The following FRMD5 variants were observed in gnomAD, a reference collection of about 807,000 sequenced individuals.
The protein encoded by FRMD5 is FERM domain containing 5.
Under a neutral mutation model 69.0 loss-of-function variants are expected in FRMD5, and 20 were observed. That is an observed-to-expected ratio of 0.29 (90% confidence interval 0.20 to 0.42). The LOEUF is 0.42. FRMD5 is among the 10% of genes least tolerant of loss of function. The probability of loss-of-function intolerance (pLI) is 1.00; values close to 1 mark genes in which losing one functional copy is unlikely to be tolerated. For missense variants in FRMD5, 595 were observed against 708.6 expected (o/e 0.84, Z 1.82); for synonymous variants, 271 against 260.1 (o/e 1.04, Z -0.40).
intron 1 of FRMD5, among the ~76,000 whole-genome samples, chr15:44,021,738 G>T (rs561228806): frequency 6.6e-6 from 1 of 151,892 alleles, no homozygotes; most frequent in African/African-American, 2.4e-5. Flanking sequence ...TGTTATGGTC[G>T]CTCCTCAAAA....
At chr15:44,069,959 G>A (rs1390876794) in intron 1 of FRMD5, among the ~76,000 whole-genome samples, 1 of 152,126 alleles carries the variant, frequency 6.6e-6, no homozygotes, top group Non-Finnish European at 1.5e-5. Context: ...ATATTCATAA[G>A]AGGATTATAA....
intron 1 of FRMD5, among the ~76,000 whole-genome samples, chr15:43,967,213 A>T (rs2090308493): frequency 6.8e-6 from 1 of 146,872 alleles, no homozygotes; most frequent in African/African-American, 2.7e-5. Flanking sequence ...ATATATATAT[A>T]CACATAAATA....
chr15:44,164,973 T>C (rs1019056634), intron 1 of FRMD5, among the ~76,000 whole-genome samples: 24 of 152,138 alleles, frequency 1.6e-4, no homozygotes, highest in African/African-American at 5.8e-4. Context: ...CAGTGTCCTC[T>C]CAGACTGGCT....
chr15:43,971,058 C>T (rs937403001), intron 1 of FRMD5, among the ~76,000 whole-genome samples: 1 of 148,250 alleles, frequency 6.7e-6, no homozygotes, highest in African/African-American at 2.5e-5. Flanking sequence ...AACCTTGTCT[C>T]TACTAAAACA....
At chr15:44,000,105 C>T (rs575219215) in intron 1 of FRMD5, among the ~76,000 whole-genome samples, 1 of 151,350 alleles carries the variant, frequency 6.6e-6, no homozygotes, top group East Asian at 2.0e-4. Context: ...CATGCTTCTG[C>T]CTCAGCTTCC....
intron 1 of FRMD5, among the ~76,000 whole-genome samples, chr15:44,138,741 C>G (rs1031809957): frequency 7.9e-5 from 12 of 152,118 alleles, no homozygotes; most frequent in African/African-American, 2.7e-4. Flanking sequence ...CAACCAATTA[C>G]AGATTATAAA....
intron 1 of FRMD5, among the ~76,000 whole-genome samples, chr15:44,018,231 G>A (rs1891057977): frequency 6.6e-6 from 1 of 152,112 alleles, no homozygotes; most frequent in African/African-American, 2.4e-5. Context: ...AAGCACTTTT[G>A]ACGAAAGTTA....
chr15:43,991,520 T>C (rs2140138034), intron 1 of FRMD5, among the ~76,000 whole-genome samples: 1 of 152,348 alleles, frequency 6.6e-6, no homozygotes, highest in East Asian at 1.9e-4. Flanking sequence ...GGGTTTGAAA[T>C]ATGGATATTC....
At chr15:43,874,991 A>C (rs2088290045) in intron 13 of FRMD5, among the ~76,000 whole-genome samples, 1 of 152,120 alleles carries the variant, frequency 6.6e-6, no homozygotes, top group Non-Finnish European at 1.5e-5. Flanking sequence ...TGAGGTAAGG[A>C]GTTCGAGACC....
intron 1 of FRMD5, among the ~76,000 whole-genome samples, chr15:44,000,825 G>A (rs1216121240): frequency 6.6e-6 from 1 of 151,532 alleles, no homozygotes; most frequent in Non-Finnish European, 1.5e-5. Context: ...TACTTTTTTA[G>A]TATTTGGAGA....
chr15:44,010,933 G>A (rs1890689933), intron 1 of FRMD5, among the ~76,000 whole-genome samples: 1 of 152,066 alleles, frequency 6.6e-6, no homozygotes, highest in Non-Finnish European at 1.5e-5. Context: ...CACTGGGCAC[G>A]ATGAGAGAAC....
At chr15:43,965,472 G>C (rs896659197) in intron 1 of FRMD5, among the ~76,000 whole-genome samples, 12 of 152,044 alleles carry the variant, frequency 7.9e-5, no homozygotes, top group Non-Finnish European at 1.5e-4. Flanking sequence ...AATGTGTCTA[G>C]GTTGGGATTT....
chr15:43,964,036 C>A (rs2090250822), intron 1 of FRMD5, among the ~76,000 whole-genome samples: 2 of 151,534 alleles, frequency 1.3e-5, no homozygotes, highest in South Asian at 2.1e-4. Context: ...TGCACATGTA[C>A]CCTAAAACTT....
chr15:44,038,300 T>A (rs1308238070), intron 1 of FRMD5, among the ~76,000 whole-genome samples: 4 of 152,148 alleles, frequency 2.6e-5, no homozygotes, highest in African/African-American at 9.6e-5. Flanking sequence ...TTTAATTAGA[T>A]CCCATTTGTC....
chr15:43,894,282 C>G (rs1232809268), intron 7 of FRMD5, among the ~76,000 whole-genome samples: 1 of 151,252 alleles, frequency 6.6e-6, no homozygotes, highest in Non-Finnish European at 1.5e-5. Flanking sequence ...GGCAGCCTGC[C>G]TGTTCTGTCT....
chr15:44,170,770 C>T (rs911329164), intron 1 of FRMD5, among the ~76,000 whole-genome samples: 1 of 152,148 alleles, frequency 6.6e-6, no homozygotes, highest in Non-Finnish European at 1.5e-5. Context: ...TGCTACTCCA[C>T]AAGGCGTTAC....
chr15:44,082,107 C>A (rs953537610), intron 1 of FRMD5, among the ~76,000 whole-genome samples: 3 of 151,814 alleles, frequency 2.0e-5, no homozygotes, highest in African/African-American at 7.3e-5. Flanking sequence ...TACCAAAATT[C>A]TTATGACTGT....
At chr15:44,137,848 G>C (rs1303853302) in intron 1 of FRMD5, among the ~76,000 whole-genome samples, 3 of 152,050 alleles carry the variant, frequency 2.0e-5, no homozygotes, top group Non-Finnish European at 4.4e-5. Flanking sequence ...TAAGGCAGGG[G>C]ACTGAGGCCA....
At chr15:44,042,938 C>A (rs1426507352) in intron 1 of FRMD5, among the ~76,000 whole-genome samples, 2 of 152,110 alleles carry the variant, frequency 1.3e-5, no homozygotes, top group Non-Finnish European at 2.9e-5. Flanking sequence ...GGCAATCAGG[C>A]AAGAGAAAGA....
Sources: gnomAD v4.1 joint callset for allele counts (sites outside exome capture counted in the v4.1 genomes callset) on GRCh38, gnomAD v4.1.1 for gene constraint, MANE v1.5 for transcripts, NCBI Gene and HGNC (gene_info 2026-07-23, HGNC 2026-07-21) for gene names.